PCP4: variants seen among roughly 807,000 people sequenced by gnomAD.
PCP4 encodes the protein calmodulin regulator protein PCP4.
PCP4 carries 8 observed loss-of-function variants against 10.0 expected under a neutral mutation model. That is an observed-to-expected ratio of 0.80 (90% CI 0.47 to 1.45). The LOEUF (loss-of-function observed/expected upper bound fraction) is 1.45, where lower values mean the gene tolerates loss of function less well. PCP4 is among the 40% of genes most tolerant of loss of function. The pLI, the probability that PCP4 is intolerant of heterozygous loss-of-function variation, is 0.00. For synonymous variants in PCP4, 21 were observed against 23.0 expected, an observed-to-expected ratio of 0.91 and a Z score of 0.24; for missense variants, 54 against 74.4, an observed-to-expected ratio of 0.73 and a Z score of 1.01.
chr21:39,885,754 G>A (rs2087397778), intron 1 of PCP4, among the ~76,000 whole-genome samples: 1 of 152,262 alleles, frequency 6.6e-6, no homozygotes, highest in South Asian at 2.1e-4. Flanking sequence ...CTGGGAGCCA[G>A]ACTTTGCCCG....
intron 1 of PCP4, among the ~76,000 whole-genome samples, chr21:39,873,944 C>T (rs1265716496): frequency 6.6e-6 from 1 of 152,184 alleles, no homozygotes; most frequent in African/African-American, 2.4e-5. Context: ...CTGCTCATTC[C>T]ATTTCTGGAA....
At chr21:39,891,514 A>G (rs956518518) in intron 1 of PCP4, among the ~76,000 whole-genome samples, 1 of 152,206 alleles carries the variant, frequency 6.6e-6, no homozygotes. Flanking sequence ...CTTAGCGGGT[A>G]TTCTCCTCGT....
At chr21:39,908,011 C>T (rs1298089789) in intron 2 of PCP4, among the ~76,000 whole-genome samples, 2 of 152,160 alleles carry the variant, frequency 1.3e-5, no homozygotes, top group Non-Finnish European at 2.9e-5. Flanking sequence ...CCCTGTTTGT[C>T]CCCACTAATT....
intron 2 of PCP4, among the ~76,000 whole-genome samples, chr21:39,904,883 G>T (rs1400267846): frequency 2.6e-5 from 4 of 152,180 alleles, no homozygotes; most frequent in African/African-American, 9.7e-5. Context: ...AAGCCAAGAT[G>T]AGCCTCTTTG....
intron 2 of PCP4, among the ~76,000 whole-genome samples, chr21:39,903,664 C>T (rs1054761401): frequency 1.3e-5 from 2 of 151,836 alleles, no homozygotes; most frequent in East Asian, 1.9e-4. Context: ...GTCAGGAGAT[C>T]GAGACCATCC....
chr21:39,882,884 C>T (rs1325242683), intron 1 of PCP4, among the ~76,000 whole-genome samples: 1 of 152,336 alleles, frequency 6.6e-6, no homozygotes, highest in East Asian at 1.9e-4. Context: ...AATCGAATCT[C>T]TTCTATTCTT....
chr21:39,903,643 C>T (rs927670819), intron 2 of PCP4, among the ~76,000 whole-genome samples: 6 of 151,616 alleles, frequency 4.0e-5, no homozygotes, highest in South Asian at 2.1e-4. Flanking sequence ...CCGAGGCGGG[C>T]GGATCACGAG....
chr21:39,929,325 C>A lies in PCP4; in HGVS notation c.*214C>A, dbSNP rs1350361717. 1 of 378,412 alleles carries A rather than the reference C, an allele frequency of 2.6e-6. No homozygotes were observed. The highest frequency in any genetic ancestry group is 4.7e-6 in the Non-Finnish European group (1 of 214,164). 23.4% of individuals were successfully genotyped at this position (378,412 alleles called of 1,614,324 possible). A position where few individuals can be genotyped will look rare whatever the true frequency, so the allele number is the denominator to read the frequency against. On this transcript the variant is annotated 3_prime_UTR_variant, in exon 3 of 3. Transcript: ENST00000328619. ...TGAGTAGCTTAATCTCTATGTTTCT[C>A]TCCATTTTCATTCCTCCTGCAACTA... is the stretch of plus-strand genomic sequence containing the variant.
At position 39,890,309 on chromosome 21, in the gene PCP4, A is replaced by G. The variant is rs149603854; in HGVS notation, c.10-8167A>G. Among the ~76,000 whole-genome samples the G allele has an allele frequency of 2.1e-3, 327 of 152,366 alleles. 1 individual carries two copies. Among genetic ancestry groups the G allele is most frequent in the African/African-American group, 7.4e-3 (307 of 41,582 alleles). On this transcript the variant is annotated intron_variant, in intron 1 of 2. Transcript: ENST00000328619. Reference sequence around the variant, plus strand: ...ACTGAAGCCCAAGACAGAAGGAAATATCGGTCATTCCAATCCTGTCTATTT... The same window carrying G: ...ACTGAAGCCCAAGACAGAAGGAAATGTCGGTCATTCCAATCCTGTCTATTT...
intron 2 of PCP4, among the ~76,000 whole-genome samples, chr21:39,916,818 C>A (rs1250467918): frequency 6.6e-6 from 1 of 152,188 alleles, no homozygotes; most frequent in Non-Finnish European, 1.5e-5. Context: ...GAGTTGGAAG[C>A]TGTTATCCTC....
chr21:39,895,417 G>C (rs1601179329), intron 1 of PCP4, among the ~76,000 whole-genome samples: 1 of 152,214 alleles, frequency 6.6e-6, no homozygotes, highest in South Asian at 2.1e-4. Context: ...TGTTAATGAA[G>C]TCACATTTAC....
At chr21:39,890,548 T>G (rs1237248463) in intron 1 of PCP4, among the ~76,000 whole-genome samples, 1 of 151,558 alleles carries the variant, frequency 6.6e-6, no homozygotes, top group Non-Finnish European at 1.5e-5. Context: ...TTTTCATTTT[T>G]AGTAGAGACG....
chr21:39,916,536 A>G (rs547578394), intron 2 of PCP4, among the ~76,000 whole-genome samples: 1 of 152,226 alleles, frequency 6.6e-6, no homozygotes, highest in Non-Finnish European at 1.5e-5. Context: ...TTATTCAACC[A>G]TTGTGGAAGA....
chr21:39,905,622 C>T (rs1280580476), intron 2 of PCP4, among the ~76,000 whole-genome samples: 1 of 152,172 alleles, frequency 6.6e-6, no homozygotes, highest in Non-Finnish European at 1.5e-5. Context: ...CTTCATTGAG[C>T]AAGGAACACC....
intron 1 of PCP4, among the ~76,000 whole-genome samples, chr21:39,878,594 A>G (rs933421714): frequency 2.0e-5 from 3 of 152,236 alleles, no homozygotes; most frequent in African/African-American, 7.2e-5. Context: ...AGATTACATG[A>G]GGACAGTCAA....
intron 1 of PCP4, among the ~76,000 whole-genome samples, chr21:39,897,152 G>T (rs1299660480): frequency 6.6e-6 from 1 of 152,074 alleles, no homozygotes; most frequent in Non-Finnish European, 1.5e-5. Flanking sequence ...CACTTTGGGA[G>T]GCCGAGGCGG....
At chr21:39,879,756 A>G (rs1413448495) in intron 1 of PCP4, among the ~76,000 whole-genome samples, 1 of 152,096 alleles carries the variant, frequency 6.6e-6, no homozygotes, top group African/African-American at 2.4e-5. Flanking sequence ...TCTGCCTTCA[A>G]CCTCTTTTGA....
At chr21:39,883,751 A>T (rs1300625947) in intron 1 of PCP4, 7 of 151,940 alleles carry the variant, frequency 4.6e-5, no homozygotes, top group African/African-American at 1.5e-4. Flanking sequence ...AGCCATATTT[A>T]CTCCCAGTGT....
chr21:39,910,497 A>G (rs2087534369), intron 2 of PCP4, among the ~76,000 whole-genome samples: 1 of 152,144 alleles, frequency 6.6e-6, no homozygotes, highest in Non-Finnish European at 1.5e-5. Flanking sequence ...GTGTTTTTAT[A>G]GTGAGCTTTG....
Sources: gnomAD v4.1 joint callset for allele counts (sites outside exome capture counted in the v4.1 genomes callset) on GRCh38, gnomAD v4.1.1 for gene constraint, MANE v1.5 for transcripts, NCBI Gene and HGNC (gene_info 2026-07-23, HGNC 2026-07-21) for gene names.